The following AGMO variants were observed in gnomAD, a reference collection of about 807,000 sequenced individuals.
AGMO encodes alkylglycerol monooxygenase, also known as glyceryl-ether monooxygenase.
A neutral mutation model predicts 60.2 loss-of-function variants in AGMO; 75 were observed. That is an observed-to-expected ratio of 1.25 (90% CI 1.03 to 1.51). The LOEUF (loss-of-function observed/expected upper bound fraction) is 1.51, where lower values mean the gene tolerates loss of function less well. Ranked by LOEUF, AGMO falls within the 40% of genes most tolerant of loss-of-function variation. The pLI is 0.00. For missense variants in AGMO, 763 were observed against 525.5 expected, an observed-to-expected ratio of 1.45 and a Z score of -4.42; for synonymous variants, 261 against 177.1, an observed-to-expected ratio of 1.47 and a Z score of -3.76.
intron 12 of AGMO, among the ~76,000 whole-genome samples, chr7:15,276,071 T>G (rs1783776962): frequency 6.6e-6 from 1 of 152,226 alleles, no homozygotes; most frequent in South Asian, 2.1e-4. Flanking sequence ...GTCCTAGTGT[T>G]GTTAGCTAGT....
rs1345399203 is a variant in AGMO, at chr7:15,386,056, C to T, written c.958-494G>A. On this transcript the variant is annotated intron_variant, in intron 9 of 12. Coordinates refer to ENST00000342526, the MANE Select transcript of AGMO (RefSeq NM_001004320.2). Reference sequence around the variant, plus strand: ...ATTAGCTGGGCATGGTGGCACACACCTGTAATCCCAGCTACTCAGGAGGCT... The same window carrying T: ...ATTAGCTGGGCATGGTGGCACACACTTGTAATCCCAGCTACTCAGGAGGCT... Among the ~76,000 whole-genome samples, 5 of 152,150 alleles carry T rather than the reference C, an allele frequency of 3.3e-5. No homozygotes were observed. The East Asian group carries it at 9.7e-4, about 30-fold the overall frequency.
intron 12 of AGMO, among the ~76,000 whole-genome samples, chr7:15,213,032 T>C (rs764581829): frequency 1.3e-5 from 2 of 152,026 alleles, no homozygotes; most frequent in African/African-American, 4.8e-5. Context: ...ATTGAAAATG[T>C]ATCATCGAAG....
chr7:15,348,507 A>T (rs1332708967), intron 12 of AGMO, among the ~76,000 whole-genome samples: 3 of 152,110 alleles, frequency 2.0e-5, no homozygotes, highest in African/African-American at 7.2e-5. Flanking sequence ...AAGTAAAATT[A>T]AATGCCTTGG....
chr7:15,509,051 GC>G (rs1216668468), intron 3 of AGMO, among the ~76,000 whole-genome samples: 1 of 152,144 alleles, frequency 6.6e-6, no homozygotes, highest in Non-Finnish European at 1.5e-5. Flanking sequence ...ACAAATTACT[GC>G]CTTTCAGGCT....
intron 2 of AGMO, among the ~76,000 whole-genome samples, chr7:15,545,152 T>C (rs563249955): frequency 6.6e-6 from 1 of 152,254 alleles, no homozygotes; most frequent in African/African-American, 2.4e-5. Context: ...TGCCAGCTGT[T>C]TGTGCTCTCA....
chr7:15,342,718 T>C (rs1781895391), intron 12 of AGMO, among the ~76,000 whole-genome samples: 1 of 147,696 alleles, frequency 6.8e-6, no homozygotes, highest in Non-Finnish European at 1.5e-5. Flanking sequence ...TGTCATCTCA[T>C]TAATTTTCTG....
the AGMO span, among the ~76,000 whole-genome samples, chr7:15,163,380 G>A: frequency 2.0e-5 from 3 of 152,064 alleles, no homozygotes; most frequent in Non-Finnish European, 4.4e-5. Context: ...GGTGAGAGTG[G>A]ACATCTTTGT....
intron 12 of AGMO, among the ~76,000 whole-genome samples, chr7:15,320,772 T>C (rs927623306): frequency 6.6e-6 from 1 of 152,142 alleles, no homozygotes; most frequent in African/African-American, 2.4e-5. Flanking sequence ...CTTGAAAGTA[T>C]CTACAAATTA....
intron 3 of AGMO, among the ~76,000 whole-genome samples, chr7:15,522,603 C>T (rs1481331636): frequency 6.6e-6 from 1 of 152,072 alleles, no homozygotes; most frequent in Non-Finnish European, 1.5e-5. Flanking sequence ...GAAACAGATT[C>T]CCCATTTAAT....
At chr7:15,222,014 T>C (rs949581635) in intron 12 of AGMO, among the ~76,000 whole-genome samples, 1 of 152,154 alleles carries the variant, frequency 6.6e-6, no homozygotes, top group Non-Finnish European at 1.5e-5. Flanking sequence ...TGATTAGTTA[T>C]TCAGTTTGGA....
intron 12 of AGMO, among the ~76,000 whole-genome samples, chr7:15,202,198 T>C (rs12535576): frequency 0.071 from 10,736 of 151,894 alleles, 564 homozygotes; most frequent in Non-Finnish European, 0.094. Context: ...TTCCCCTCCA[T>C]ACTATTAAAA....
intron 3 of AGMO, among the ~76,000 whole-genome samples, chr7:15,541,328 G>C (rs1346435194): frequency 6.6e-6 from 1 of 152,010 alleles, no homozygotes; most frequent in Non-Finnish European, 1.5e-5. Flanking sequence ...CACCATGTTG[G>C]TCAGGCTGGT....
intron 12 of AGMO, among the ~76,000 whole-genome samples, chr7:15,356,452 T>C (rs373560920): frequency 1.3e-5 from 2 of 152,074 alleles, no homozygotes; most frequent in South Asian, 2.1e-4. Context: ...AGAAACCATA[T>C]ATAGTATATA....
At chr7:15,372,673 T>A (rs965728905) in intron 10 of AGMO, among the ~76,000 whole-genome samples, 1 of 152,124 alleles carries the variant, frequency 6.6e-6, no homozygotes, top group Non-Finnish European at 1.5e-5. Flanking sequence ...AGACTATAAA[T>A]ATTTAGTCTC....
At chr7:15,451,395 G>T (rs1241092054) in intron 3 of AGMO, among the ~76,000 whole-genome samples, 3 of 151,974 alleles carry the variant, frequency 2.0e-5, no homozygotes, top group East Asian at 3.9e-4. Context: ...AGACTAGTTG[G>T]GCTGCTATAA....
intron 12 of AGMO, 120 bp downstream of exon 12, chr7:15,365,394 A>T (rs1008663085): frequency 1.0e-5 from 5 of 487,064 alleles, no homozygotes; most frequent in Non-Finnish European, 1.8e-5. Flanking sequence ...AAAAAAAAAA[A>T]AGATCAAGAT....
At position 15,531,467 on chromosome 7, in the gene AGMO, A is replaced by C. The variant is rs186605760; in HGVS notation, c.409+13305T>G. On this transcript the variant is annotated intron_variant, in intron 3 of 12. Coordinates refer to ENST00000342526, the MANE Select transcript of AGMO (RefSeq NM_001004320.2). ...TATATATATTCTCTATATATATTCTATATATATTCTCTATATATATTCTAT... is the reference window on the plus strand; with the variant it reads ...TATATATATTCTCTATATATATTCTCTATATATTCTCTATATATATTCTAT... 2.5e-3 allele frequency among the ~76,000 whole-genome samples: 142 copies of C among 57,954 alleles called. 11 individuals carry two copies. Among genetic ancestry groups the C allele is most frequent in the African/African-American group, 0.011 (132 of 11,622 alleles). The allele number at this position is 57,954 out of a possible 152,430, so 38.0% of individuals were successfully genotyped here.
At chr7:15,561,666 C>T (rs1203083315) in intron 1 of AGMO, 54 bp downstream of exon 1, 2 of 1,493,918 alleles carry the variant, frequency 1.3e-6, no homozygotes, top group African/African-American at 1.4e-5. Flanking sequence ...TTGACCTTAC[C>T]ATTTATTAAG....
At chr7:15,202,593 G>A (rs1781326955) in intron 12 of AGMO, among the ~76,000 whole-genome samples, 1 of 150,574 alleles carries the variant, frequency 6.6e-6, no homozygotes, top group Non-Finnish European at 1.5e-5. Context: ...TAGTCAGGTT[G>A]ATGGACTTCT....
Sources: allele counts gnomAD v4.1 joint callset (sites outside exome capture counted in the v4.1 genomes callset), GRCh38; gene constraint gnomAD v4.1.1; transcripts MANE v1.5; gene names NCBI Gene and HGNC (gene_info 2026-07-23, HGNC 2026-07-21).